Variants in REV3L observed in about 807,000 individuals in gnomAD.
REV3L encodes the protein DNA polymerase zeta catalytic subunit.
A neutral mutation model predicts 299.4 loss-of-function variants in REV3L; 69 were observed. The ratio of observed to expected loss-of-function variants is 0.23; its 90% confidence interval spans 0.19 to 0.28. REV3L has a LOEUF of 0.28. REV3L is among the 10% of genes least tolerant of loss of function. The pLI, the probability that REV3L is intolerant of heterozygous loss-of-function variation, is 1.00. For missense variants in REV3L, 3,128 were observed against 3,693.8 expected, an observed-to-expected ratio of 0.85 and a Z score of 3.97; for synonymous variants, 1,238 against 1,271.4, an observed-to-expected ratio of 0.97 and a Z score of 0.56.
intron 22 of REV3L, among the ~76,000 whole-genome samples, chr6:111,333,886 AAGAT>A (rs1775649883): frequency 2.0e-5 from 3 of 152,216 alleles, no homozygotes; most frequent in African/African-American, 7.2e-5. Flanking sequence ...AATAACTTAA[AAGAT>A]AAGTCAATTT....
At chr6:111,457,351 T>A (rs78431563) in intron 1 of REV3L, among the ~76,000 whole-genome samples, 1 of 152,084 alleles carries the variant, frequency 6.6e-6, no homozygotes, top group African/African-American at 2.4e-5. Flanking sequence ...TACAGAAAAC[T>A]AAAAACATAG....
In REV3L at chr6:111,374,302, T is replaced by G; in HGVS notation, c.4053A>C (p.Ser1351=). 1.2e-6 allele frequency: 2 copies of G among 1,613,998 alleles called. No individual in the cohort carries two copies. The highest frequency in any genetic ancestry group is 8.5e-7 in the Non-Finnish European group (1 of 1,179,928). The stretch of plus-strand genomic sequence containing the variant: ...CAAATATATTTTTTTGAATTAACGT[T>G]GATTCCTTTAGAGTAAACATAGCAC... ...NQSAMFTLKE[S]TLIQKNIFDL... is the part of the protein sequence containing the mutation. Residue 1351 remains serine, a synonymous_variant, in exon 13 of 32, where the codon TCA becomes TCC. Transcript: ENST00000368802.
At chr6:111,464,162 C>T (rs1791136210) in intron 1 of REV3L, among the ~76,000 whole-genome samples, 1 of 151,678 alleles carries the variant, frequency 6.6e-6, no homozygotes, top group Non-Finnish European at 1.5e-5. Context: ...TGTTAGTTCC[C>T]ATATACCAGC....
Position 111,482,937 on chromosome 6 carries a change from C to CAGCAGT in REV3L, c.-50_-49insACTGCT. 1 of 1,478,036 alleles carries CAGCAGT rather than the reference C, an allele frequency of 6.8e-7. No homozygotes were observed. The highest frequency in any genetic ancestry group is 3.2e-5 in the Admixed American group (1 of 31,084). The allele number at this position is 1,478,036 out of a possible 1,614,324, so 91.6% of individuals were successfully genotyped here. ...CCCTTCACTGGCGACCCGGCAGCGG[C>CAGCAGT]AGCAGCAGCGGCGGCGGCTCCCTCC... is the stretch of plus-strand genomic sequence containing the variant. On this transcript the variant is annotated 5_prime_UTR_variant, in exon 1 of 32. Coordinates refer to ENST00000368802, the MANE Select transcript of REV3L (RefSeq NM_001372078.1).
intron 23 of REV3L, among the ~76,000 whole-genome samples, chr6:111,332,687 A>C (rs1775518099): frequency 6.6e-6 from 1 of 152,356 alleles, no homozygotes. Flanking sequence ...CAGTTTATAA[A>C]ATTTAATTTA....
At chr6:111,407,367 A>G (rs529302578) in intron 3 of REV3L, among the ~76,000 whole-genome samples, 3 of 152,362 alleles carry the variant, frequency 2.0e-5, no homozygotes, top group African/African-American at 7.2e-5. Context: ...AGTAAAGATG[A>G]AAGTCTAAGG....
In REV3L at chr6:111,374,740, T is replaced by C. The variant is rs776950099; in HGVS notation, c.3615A>G (p.Lys1205=). ...TTTTTTGTTTTGCTCTTGGTTTCTT[T>C]TTTCCATCATCTACTAGTTTATTTG... ...NQTNKLVDDG[K]KKPRAKQKTN... Residue 1205 remains lysine, a synonymous_variant, in exon 13 of 32, where the codon AAA becomes AAG. Transcript: ENST00000368802. 5.6e-6 allele frequency: 9 copies of C among 1,613,156 alleles called. No individual in the cohort carries two copies. Among genetic ancestry groups the C allele is most frequent in the Admixed American group, 5.0e-5 (3 of 59,952 alleles).
At position 111,359,001 on chromosome 6, in the gene REV3L, G is replaced by C. The variant is rs1778373589; in HGVS notation, c.6893C>G (p.Thr2298Ser). ...AKALHEIQNL[T>S]LISVELHART... ...AGCATGCAACTCCACACTGATTAGG[G>C]TAAGATTTTGTATCTATAAAAGCAA... The change falls in exon 17 of 32, where the codon ACC (threonine) becomes AGC (serine). Residue 2298 changes from threonine (T) to serine (S), a missense_variant. By Grantham distance (58) the Thr-to-Ser change is moderately conservative. Transcript: ENST00000368802. 3.7e-6 allele frequency: 6 copies of C among 1,608,992 alleles called. No individual in the cohort carries two copies. Among genetic ancestry groups the C allele is most frequent in the Non-Finnish European group, 5.1e-6 (6 of 1,177,802 alleles).
chr6:111,347,319 C>G (rs895441445), intron 20 of REV3L, among the ~76,000 whole-genome samples: 70 of 151,292 alleles, frequency 4.6e-4, no homozygotes, highest in African/African-American at 1.6e-3. Flanking sequence ...AATATACACA[C>G]CAAATACACC....
intron 2 of REV3L, chr6:111,412,176 C>A (rs1422573676): frequency 2.0e-6 from 2 of 985,156 alleles, no homozygotes; most frequent in Non-Finnish European, 2.4e-6. Context: ...AACACACAAC[C>A]ATATCAAGTG....
At chr6:111,395,964 C>T (rs1008223392) in intron 4 of REV3L, among the ~76,000 whole-genome samples, 1 of 152,094 alleles carries the variant, frequency 6.6e-6, no homozygotes, top group East Asian at 1.9e-4. Context: ...TTTTGTCCTT[C>T]ATTCTGTTGA....
intron 31 of REV3L, among the ~76,000 whole-genome samples, chr6:111,305,369 T>C (rs535087689): frequency 3.9e-5 from 6 of 152,124 alleles, no homozygotes; most frequent in East Asian, 1.9e-4. Context: ...AGTGGGAGGA[T>C]TGCTTGAGTC....
intron 1 of REV3L, chr6:111,431,480 G>C: frequency 9.8e-7 from 1 of 1,017,274 alleles, no homozygotes; most frequent in Non-Finnish European, 1.6e-6. Context: ...CCACCAGATT[G>C]CTCAGGGAGC....
At chr6:111,359,065 C>A in intron 16 of REV3L, 51 bp from the exon 17 acceptor site, 1 of 1,474,408 alleles carries the variant, frequency 6.8e-7, no homozygotes, top group South Asian at 1.3e-5. Flanking sequence ...TAAAGACATG[C>A]TCAAAGAAGT....
intron 10 of REV3L, among the ~76,000 whole-genome samples, chr6:111,381,123 C>CT (rs1417205609): frequency 2.6e-5 from 4 of 152,114 alleles, no homozygotes; most frequent in African/African-American, 9.7e-5. Flanking sequence ...AAACTATTTT[C>CT]TTTCACAAAT....
chr6:111,438,496 ATT>A (rs1787859858), intron 1 of REV3L, among the ~76,000 whole-genome samples: 1 of 147,778 alleles, frequency 6.8e-6, no homozygotes, highest in Non-Finnish European at 1.5e-5. Flanking sequence ...CCTGAATCAT[ATT>A]AAGATTAAAA....
At chr6:111,303,340 T>C (rs1472490536) in intron 31 of REV3L, among the ~76,000 whole-genome samples, 2 of 150,678 alleles carry the variant, frequency 1.3e-5, no homozygotes, top group African/African-American at 4.9e-5. Context: ...CCTGGCTAAT[T>C]TTAAATTTTA....
In REV3L at chr6:111,416,363, G is replaced by A. The variant is rs533806331; in HGVS notation, c.249C>T (p.Ile83=). 3.2e-5 allele frequency: 51 copies of A among 1,613,684 alleles called. No homozygotes were observed. Among genetic ancestry groups the A allele is most frequent in the East Asian group, 6.7e-5 (3 of 44,850 alleles). The part of the protein sequence containing the change: ...ESYLSQMAFS[I]DRALNVALGN... ...CTAAAGCCACATTAAGTGCTCTGTC[G>A]ATACTGAATGCCATCTGAGAAAGAT... The change falls in exon 2 of 32, where the codon ATC becomes ATT. Residue 83 remains isoleucine, a synonymous_variant. Coordinates refer to ENST00000368802, the MANE Select transcript of REV3L (RefSeq NM_001372078.1).
intron 22 of REV3L, among the ~76,000 whole-genome samples, chr6:111,334,433 A>G (rs1775711643): frequency 6.6e-6 from 1 of 152,202 alleles, no homozygotes; most frequent in South Asian, 2.1e-4. Context: ...AAACAAAATG[A>G]TTATAGAATT....
Sources: gnomAD v4.1 joint callset for allele counts (sites outside exome capture counted in the v4.1 genomes callset) on GRCh38, gnomAD v4.1.1 for gene constraint, MANE v1.5 for transcripts, NCBI Gene and HGNC (gene_info 2026-07-23, HGNC 2026-07-21) for gene names.